Variants in HIVEP3 observed in about 807,000 individuals in gnomAD.
HIVEP3 encodes transcription factor HIVEP3.
Under a neutral mutation model 152.8 loss-of-function variants are expected in HIVEP3, and 49 were observed. The ratio of observed to expected loss-of-function variants is 0.32; its 90% CI spans 0.26 to 0.41. The LOEUF is 0.41. Among genes scored for constraint, HIVEP3 ranks in the 10% least tolerant of loss-of-function variants. HIVEP3 has a pLI of 1.00. For synonymous variants in HIVEP3, 1,269 were observed against 1,289.0 expected (o/e 0.98, Z 0.33); for missense variants, 2,790 against 3,103.3 (o/e 0.90, Z 2.40).
chr1:41,606,395 A>G (rs1025697176), intron 3 of HIVEP3, among the ~76,000 whole-genome samples: 2 of 151,942 alleles, frequency 1.3e-5, no homozygotes, highest in African/African-American at 2.4e-5. Context: ...TTGCTTTTGC[A>G]TAACAATTAC....
chr1:42,015,143 C>T (rs942865470), intron 1 of HIVEP3, among the ~76,000 whole-genome samples: 1 of 152,196 alleles, frequency 6.6e-6, no homozygotes, highest in African/African-American at 2.4e-5. Flanking sequence ...CCAGCACCAC[C>T]ACCAAAGCAA....
chr1:41,734,145 G>A (rs56117641), intron 1 of HIVEP3, among the ~76,000 whole-genome samples: 12,366 of 152,202 alleles, frequency 0.081, 1,684 homozygotes, highest in African/African-American at 0.28. Context: ...CACCAGGCCT[G>A]GGGTGGGCTC....
Position 41,580,059 on chromosome 1 carries a change from G to A in HIVEP3, c.4739C>T (p.Pro1580Leu). The A allele has an allele frequency of 6.2e-7, 1 of 1,614,194 alleles. No homozygotes were observed. The change falls in exon 4 of 9, where the codon CCA becomes CTA. Residue 1580 changes from proline to leucine, a missense_variant. Transcript: ENST00000372583. ...SLPLSETSSR[P>L]AKSQEGTDSK... ...GTCCGTACCTTCTTGTGACTTGGCT[G>A]GTCTGGAGGACGTTTCTGACAGAGG...
At chr1:42,011,112 T>C (rs931072659) in intron 1 of HIVEP3, among the ~76,000 whole-genome samples, 1 of 152,210 alleles carries the variant, frequency 6.6e-6, no homozygotes, top group African/African-American at 2.4e-5. Flanking sequence ...CACAAATTTT[T>C]TTTTTCTAGA....
At chr1:41,739,054 A>G (rs1298412609) in intron 1 of HIVEP3, among the ~76,000 whole-genome samples, 1 of 152,236 alleles carries the variant, frequency 6.6e-6, no homozygotes. Flanking sequence ...TCGGCCACCC[A>G]CTGCTTTTTG....
chr1:41,781,355 A>T (rs558867144), intron 1 of HIVEP3, among the ~76,000 whole-genome samples: 1 of 152,272 alleles, frequency 6.6e-6, no homozygotes, highest in East Asian at 1.9e-4. Context: ...TAAACCCTAA[A>T]TGCCATTTCT....
At chr1:41,841,094 G>A (rs1215449862) in intron 1 of HIVEP3, among the ~76,000 whole-genome samples, 4 of 152,080 alleles carry the variant, frequency 2.6e-5, no homozygotes, top group Non-Finnish European at 4.4e-5. Flanking sequence ...GTAGCCTGGA[G>A]GGCCGTGCAG....
chr1:41,674,338 C>T (rs1645921710), intron 2 of HIVEP3, among the ~76,000 whole-genome samples: 1 of 152,246 alleles, frequency 6.6e-6, no homozygotes, highest in African/African-American at 2.4e-5. Flanking sequence ...TTTGTGGACA[C>T]AAGGGATGGC....
rs201476152 is a variant in HIVEP3, at chr1:41,580,576, T to C, written c.4222A>G (p.Thr1408Ala). The change falls in exon 4 of 9, where the codon ACT (threonine) becomes GCT (alanine). Residue 1408 changes from threonine to alanine, a missense_variant. Thr to Ala is a moderately conservative substitution (Grantham distance 58, BLOSUM62 0). Coordinates refer to ENST00000372583, the MANE Select transcript of HIVEP3 (RefSeq NM_024503.5). ...VPVTLPERKG[T>A]SLSSESILSL... is the part of the protein sequence containing the mutation. ...AAGATACTCTCTGATGACAGGGAAG[T>C]GCCTTTTCTTTCAGGTAATGTCACA... 34 of 1,614,212 alleles carry C rather than the reference T, an allele frequency of 2.1e-5. No homozygotes were observed. The highest frequency in any genetic ancestry group is 1.6e-4 in the African/African-American group (12 of 75,058).
At chr1:41,809,370 C>T (rs975351541) in intron 1 of HIVEP3, among the ~76,000 whole-genome samples, 7 of 152,330 alleles carry the variant, frequency 4.6e-5, no homozygotes, top group South Asian at 2.1e-4. Context: ...ACCAAAGACA[C>T]GGTCTTCATG....
chr1:41,605,164 A>AGGGGG (rs1644801964), intron 3 of HIVEP3, among the ~76,000 whole-genome samples: 1 of 25,354 alleles, frequency 3.9e-5, no homozygotes, highest in Non-Finnish European at 7.3e-5. Flanking sequence ...AGGGGTGGAG[A>AGGGGG]GGGGAGGGGA....
intron 1 of HIVEP3, among the ~76,000 whole-genome samples, chr1:41,827,036 A>G (rs1011158607): frequency 3.3e-5 from 5 of 152,102 alleles, no homozygotes; most frequent in Non-Finnish European, 1.5e-5. Flanking sequence ...TCTCTTCTCT[A>G]CCTGGAGCTC....
At chr1:41,822,660 G>C (rs995081697) in intron 1 of HIVEP3, among the ~76,000 whole-genome samples, 1 of 152,182 alleles carries the variant, frequency 6.6e-6, no homozygotes, top group South Asian at 2.1e-4. Flanking sequence ...GCTATACCAT[G>C]ACAGTCCCCA....
At chr1:41,544,317 A>G (rs1236683674) in intron 5 of HIVEP3, 1 of 151,978 alleles carries the variant, frequency 6.6e-6, no homozygotes, top group Non-Finnish European at 1.5e-5. Flanking sequence ...GAGGGGGGTT[A>G]TGTCAGTCCT....
Position 41,581,526 on chromosome 1 carries a change from G to C in HIVEP3, c.3272C>G (p.Ala1091Gly), listed in dbSNP as rs201116213. 3 of 1,590,930 alleles carry C rather than the reference G, an allele frequency of 1.9e-6. No homozygotes were observed. The African/African-American group carries it at 4.0e-5, about 21-fold the overall frequency. Reference protein sequence around the residue: ...AKSSLSQISSAATSHGGPPGG... With the variant: ...AKSSLSQISSGATSHGGPPGG... ...CGGGGGTCCACCATGTGAGGTGGCC[G>C]CAGAGGAAATCTGGGACAATGAGCT... Residue 1091 changes from alanine to glycine, a missense_variant, in exon 4 of 9, where the codon GCG becomes GGG. By Grantham distance (60) the Ala-to-Gly change is moderately conservative. This residue lies in a region of HIVEP3 where 1,078 missense variants were observed against 1,165.3 expected (regional missense o/e 0.93). Coordinates refer to ENST00000372583, the MANE Select transcript of HIVEP3 (RefSeq NM_024503.5). The surrounding 1 kb of genome is among the most constrained non-coding windows in gnomAD (Gnocchi z 4.5).
chr1:41,951,732 A>G (rs1360080885), intron 1 of HIVEP3, among the ~76,000 whole-genome samples: 1 of 152,122 alleles, frequency 6.6e-6, no homozygotes, highest in African/African-American at 2.4e-5. Context: ...GAGTGCCAGT[A>G]GGGGAAATAC....
At chr1:41,770,824 C>T (rs549457592) in intron 1 of HIVEP3, among the ~76,000 whole-genome samples, 10 of 151,852 alleles carry the variant, frequency 6.6e-5, no homozygotes, top group African/African-American at 1.9e-4. Context: ...GATCCTGTTC[C>T]GGGATGCTGT....
chr1:41,967,640 G>C (rs1453354649), intron 1 of HIVEP3, among the ~76,000 whole-genome samples: 1 of 152,078 alleles, frequency 6.6e-6, no homozygotes, highest in Non-Finnish European at 1.5e-5. Flanking sequence ...AAAAACACTA[G>C]AGAACCAAGA....
At chr1:41,931,467 T>G (rs1644995390) in intron 1 of HIVEP3, among the ~76,000 whole-genome samples, 1 of 152,064 alleles carries the variant, frequency 6.6e-6, no homozygotes, top group Non-Finnish European at 1.5e-5. Context: ...ATCTATCATT[T>G]TGTCAACACT....
Sources: gnomAD v4.1 joint callset for allele counts (sites outside exome capture counted in the v4.1 genomes callset) on GRCh38, gnomAD v4.1.1 for gene constraint, gnomAD v4.1.1 regional missense constraint, Gnocchi (gnomAD v3.1) non-coding constraint, MANE v1.5 for transcripts, NCBI Gene and HGNC (gene_info 2026-07-23, HGNC 2026-07-21) for gene names.